Variants in ST18 observed in about 807,000 individuals in gnomAD.
ST18 encodes ST18 C2H2C-type zinc finger transcription factor.
ST18 carries 50 observed loss-of-function variants against 110.0 expected under a neutral mutation model. The ratio of observed to expected loss-of-function variants is 0.45; its 90% confidence interval spans 0.36 to 0.58. The LOEUF is 0.58. Among genes scored for constraint, ST18 ranks in the 20% least tolerant of loss-of-function variants. The pLI, the probability that ST18 is intolerant of heterozygous loss-of-function variation, is 0.00. For missense variants in ST18, 1,306 were observed against 1,280.1 expected (o/e 1.02, Z -0.31); for synonymous variants, 461 against 452.4 (o/e 1.02, Z -0.24).
Position 52,149,940 on chromosome 8 carries a change from T to C in ST18, c.1844A>G (p.Asp615Gly), listed in dbSNP as rs886443570. Residue 615 changes from aspartate (D) to glycine (G), a missense_variant, in exon 16 of 26, where the codon GAC (aspartate) becomes GGC (glycine). Physicochemically the swap from Asp to Gly is moderately conservative, Grantham distance 94 (BLOSUM62 -1). Coordinates refer to ENST00000689386, the MANE Select transcript of ST18 (RefSeq NM_001352837.2). ...EIEVDENGTL[D>G]LSMKKNRILD... ...GATTCGATTTTTTTTCATGCTTAAG[T>C]CCAATGTGCCATTTTCATCCACTTC... 1.9e-6 allele frequency: 3 copies of C among 1,613,974 alleles called. No homozygotes were observed. The highest frequency in any genetic ancestry group is 1.7e-5 in the Admixed American group (1 of 60,004).
intron 2 of ST18, among the ~76,000 whole-genome samples, chr8:52,330,368 A>G (rs1229540653): frequency 6.6e-6 from 1 of 152,218 alleles, no homozygotes; most frequent in Non-Finnish European, 1.5e-5. Context: ...TGCCAGTCCC[A>G]GCTTTGAGAG....
intron 2 of ST18, among the ~76,000 whole-genome samples, chr8:52,321,719 A>C (rs1804003133): frequency 6.6e-6 from 1 of 152,246 alleles, no homozygotes; most frequent in African/African-American, 2.4e-5. Flanking sequence ...AACAGTGGCA[A>C]ACAAATAAAG....
chr8:52,272,692 A>G (rs1669536446), intron 2 of ST18, among the ~76,000 whole-genome samples: 1 of 152,190 alleles, frequency 6.6e-6, no homozygotes, highest in Non-Finnish European at 1.5e-5. Context: ...GAATAGAACT[A>G]CCATATGATC....
chr8:52,172,024 C>A lies in ST18; in HGVS notation c.837G>T (p.Glu279Asp). 6.2e-7 allele frequency: 1 copy of A among 1,614,232 alleles called. No homozygotes were observed. Among genetic ancestry groups the A allele is most frequent in the Non-Finnish European group, 8.5e-7 (1 of 1,180,036 alleles). ...GNAQPSFPDV[E>D]EEDSESLAVM... The stretch of plus-strand genomic sequence containing the variant: ...CTGCCAGGCTCTCGCTATCTTCCTC[C>A]TCAACGTCAGGGAATGAGGGCTGGG... Residue 279 changes from glutamate (E) to aspartate (D), a missense_variant, in exon 10 of 26, where the codon GAG (glutamate) becomes GAT (aspartate). Glu to Asp is a conservative substitution (Grantham distance 45, BLOSUM62 2). Transcript: ENST00000689386.
chr8:52,187,945 C>A (rs1330200528), intron 8 of ST18, among the ~76,000 whole-genome samples: 2 of 152,138 alleles, frequency 1.3e-5, no homozygotes, highest in Non-Finnish European at 2.9e-5. Flanking sequence ...TAAAACAAAA[C>A]TCAACAATTA....
chr8:52,227,144 C>T (rs973750741), intron 3 of ST18, among the ~76,000 whole-genome samples: 9 of 152,150 alleles, frequency 5.9e-5, no homozygotes, highest in Middle Eastern at 3.4e-3. Context: ...CAGAATGATC[C>T]TTGGATTTTA....
At chr8:52,218,872 T>C (rs943404852) in intron 5 of ST18, among the ~76,000 whole-genome samples, 5 of 152,056 alleles carry the variant, frequency 3.3e-5, no homozygotes, top group Admixed American at 1.3e-4. Flanking sequence ...CTCACAGCAA[T>C]GGTGGGAGGA....
intron 9 of ST18, among the ~76,000 whole-genome samples, chr8:52,174,457 A>G (rs913267516): frequency 6.6e-6 from 1 of 152,254 alleles, no homozygotes; most frequent in Non-Finnish European, 1.5e-5. Context: ...ATAATGATTT[A>G]TAGACATTAT....
In ST18 at chr8:52,149,976, C is replaced by T. The variant is rs766508065; in HGVS notation, c.1808G>A (p.Gly603Glu). The T allele has an allele frequency of 1.9e-6, 3 of 1,612,648 alleles. No individual in the cohort carries two copies. Among genetic ancestry groups the T allele is most frequent in the African/African-American group, 1.3e-5 (1 of 74,816 alleles). ...ATTTTCATCCACTTCTATTTCGGCTCCCTGGTATACAATAGGAAACAGAAA... is the reference window on the plus strand; with the variant it reads ...ATTTTCATCCACTTCTATTTCGGCTTCCTGGTATACAATAGGAAACAGAAA... ...SNKPQSLHAK[G>E]AEIEVDENGT... Residue 603 changes from glycine to glutamate, a missense_variant and splice_region_variant, in exon 16 of 26, where the codon GGA becomes GAA. Gly to Glu is a moderately conservative substitution (Grantham distance 98, BLOSUM62 -2). Coordinates refer to ENST00000689386, the MANE Select transcript of ST18 (RefSeq NM_001352837.2).
intron 2 of ST18, among the ~76,000 whole-genome samples, chr8:52,271,127 T>C (rs971664051): frequency 1.3e-5 from 2 of 152,186 alleles, no homozygotes; most frequent in Non-Finnish European, 2.9e-5. Context: ...CTCGATCTTC[T>C]GACCTTGTGA....
At position 52,251,498 on chromosome 8, in the gene ST18, A is replaced by G. The variant is rs550440186; in HGVS notation, c.-464-21421T>C. On this transcript the variant is annotated intron_variant, in intron 2 of 25. Coordinates refer to ENST00000689386, the MANE Select transcript of ST18 (RefSeq NM_001352837.2). ...GATTAAAAACTGAGATTTACTTTAAATTTCCCTGAGTTTTTTAAATCATTG... is the reference window on the plus strand; with the variant it reads ...GATTAAAAACTGAGATTTACTTTAAGTTTCCCTGAGTTTTTTAAATCATTG... 3.9e-5 allele frequency among the ~76,000 whole-genome samples: 6 copies of G among 152,218 alleles called. No individual in the cohort carries two copies. In the South Asian group the frequency reaches 1.2e-3, roughly 32 times the overall value.
Position 52,161,576 on chromosome 8 carries a change from G to A in ST18, c.1401-8C>T, listed in dbSNP as rs1199580693. The stretch of plus-strand genomic sequence containing the variant: ...TGCTTCACCAAACTTGTCCTGGAGA[G>A]GGGGGTGAAGCAGTTCAAAAGAAAT... On this transcript the variant is annotated splice_polypyrimidine_tract_variant and splice_region_variant and intron_variant, in intron 13 of 25. Coordinates refer to ENST00000689386, the MANE Select transcript of ST18 (RefSeq NM_001352837.2). 4 of 1,613,630 alleles carry A rather than the reference G, an allele frequency of 2.5e-6. No homozygotes were observed. In the South Asian group the frequency reaches 3.3e-5, roughly 13 times the overall value.
chr8:52,354,072 C>A (rs1821597394), intron 2 of ST18, among the ~76,000 whole-genome samples: 3 of 152,232 alleles, frequency 2.0e-5, no homozygotes, highest in African/African-American at 7.2e-5. Flanking sequence ...ACCAACCTTT[C>A]CAAAAGTTTG....
At chr8:52,208,306 C>T (rs2080851563) in intron 8 of ST18, among the ~76,000 whole-genome samples, 1 of 152,174 alleles carries the variant, frequency 6.6e-6, no homozygotes, top group Non-Finnish European at 1.5e-5. Flanking sequence ...ATAACTTTTA[C>T]ACTGGGGAAA....
intron 6 of ST18, among the ~76,000 whole-genome samples, chr8:52,215,465 T>C (rs1385980953): frequency 6.6e-6 from 1 of 152,222 alleles, no homozygotes; most frequent in Non-Finnish European, 1.5e-5. Context: ...TTTTTTCACC[T>C]GCAACACTAC....
At chr8:52,269,339 G>A (rs553063613) in intron 2 of ST18, among the ~76,000 whole-genome samples, 4 of 152,298 alleles carry the variant, frequency 2.6e-5, no homozygotes, top group South Asian at 2.1e-4. Context: ...AGGTGTAACC[G>A]GATGCCCCAT....
chr8:52,329,283 T>TAAA (rs368634304), intron 2 of ST18, among the ~76,000 whole-genome samples: 35 of 128,842 alleles, frequency 2.7e-4, no homozygotes, highest in African/African-American at 9.9e-4. Flanking sequence ...GGAGAAATGG[T>TAAA]AAAAAAAAAA....
At chr8:52,375,117 T>TTATCTCTCTCTCTC (rs1463215552) in intron 2 of ST18, among the ~76,000 whole-genome samples, 4 of 151,704 alleles carry the variant, frequency 2.6e-5, no homozygotes, top group Non-Finnish European at 4.4e-5. Context: ...CTCTCTCTCT[T>TTATCTCTCTCTCTC]TATCTCTCTC....
intron 2 of ST18, among the ~76,000 whole-genome samples, chr8:52,291,900 G>A (rs568021400): frequency 1.5e-4 from 23 of 152,064 alleles, no homozygotes; most frequent in African/African-American, 4.8e-4. Flanking sequence ...CCAGTCTCTC[G>A]AGATAGCTGG....
Sources: allele counts gnomAD v4.1 joint callset (sites outside exome capture counted in the v4.1 genomes callset), GRCh38; gene constraint gnomAD v4.1.1; transcripts MANE v1.5; gene names NCBI Gene and HGNC (gene_info 2026-07-23, HGNC 2026-07-21).